ZSWIM6: variants seen among roughly 807,000 people sequenced by gnomAD.
The protein encoded by ZSWIM6 is zinc finger SWIM-type containing 6.
Under a neutral mutation model 113.2 loss-of-function variants are expected in ZSWIM6, and 9 were observed. The ratio of observed to expected loss-of-function variants is 0.08; its 90% CI spans 0.05 to 0.14. ZSWIM6 has a LOEUF of 0.14. Ranked by LOEUF, ZSWIM6 falls within the 10% of genes least tolerant of loss-of-function variation. The pLI is 1.00. For synonymous variants in ZSWIM6, 611 were observed against 606.5 expected, an observed-to-expected ratio of 1.01 and a Z score of -0.11; for missense variants, 1,162 against 1,552.2, an observed-to-expected ratio of 0.75 and a Z score of 4.22.
chr5:61,465,965 T>G (rs1002673565), intron 1 of ZSWIM6, among the ~76,000 whole-genome samples: 3 of 152,240 alleles, frequency 2.0e-5, no homozygotes, highest in Non-Finnish European at 4.4e-5. Context: ...CTAGAGGATT[T>G]AATTAGCCAG....
At chr5:61,339,304 G>T (rs1373859498) in intron 1 of ZSWIM6, among the ~76,000 whole-genome samples, 1 of 152,158 alleles carries the variant, frequency 6.6e-6, no homozygotes, top group African/African-American at 2.4e-5. Flanking sequence ...TACTCAGGAG[G>T]CTGAGGCGGG....
intron 1 of ZSWIM6, among the ~76,000 whole-genome samples, chr5:61,412,509 G>T (rs541633131): frequency 1.1e-4 from 17 of 152,272 alleles, no homozygotes; most frequent in African/African-American, 4.1e-4. Context: ...GCACATTTGT[G>T]TCTTAGGTTC....
At chr5:61,348,685 G>A (rs1220237760) in intron 1 of ZSWIM6, among the ~76,000 whole-genome samples, 2 of 151,936 alleles carry the variant, frequency 1.3e-5, no homozygotes, top group African/African-American at 2.4e-5. Flanking sequence ...TGTTTCCCTT[G>A]TCTTAGAATT....
chr5:61,343,342 T>G (rs929183692), intron 1 of ZSWIM6, among the ~76,000 whole-genome samples: 10 of 152,256 alleles, frequency 6.6e-5, no homozygotes, highest in Non-Finnish European at 1.0e-4. Flanking sequence ...GTCTGTTTAC[T>G]TAAAGTATTT....
At chr5:61,410,309 C>CTT (rs532542169) in intron 1 of ZSWIM6, among the ~76,000 whole-genome samples, 16 of 129,998 alleles carry the variant, frequency 1.2e-4, no homozygotes, top group South Asian at 2.5e-4. Context: ...GATGTATTTC[C>CTT]TTTTTTTTTT....
chr5:61,366,648 A>G (rs1403641938), intron 1 of ZSWIM6, among the ~76,000 whole-genome samples: 1 of 152,168 alleles, frequency 6.6e-6, no homozygotes, highest in Non-Finnish European at 1.5e-5. Flanking sequence ...TGAAAGAGGC[A>G]CATGCTGGGT....
chr5:61,338,650 A>T (rs1010026711), intron 1 of ZSWIM6, among the ~76,000 whole-genome samples: 6 of 152,246 alleles, frequency 3.9e-5, no homozygotes, highest in Non-Finnish European at 5.9e-5. Context: ...CCATTGAGAA[A>T]ATCTAAAATG....
intron 1 of ZSWIM6, chr5:61,375,547 T>A: frequency 6.5e-7 from 1 of 1,548,622 alleles, no homozygotes; most frequent in Non-Finnish European, 8.7e-7. Flanking sequence ...TTCTGAAAGC[T>A]CCATGTCAGA....
chr5:61,353,386 C>T (rs1371484126), intron 1 of ZSWIM6, among the ~76,000 whole-genome samples: 1 of 152,170 alleles, frequency 6.6e-6, no homozygotes, highest in Non-Finnish European at 1.5e-5. Context: ...TATGTTAAGT[C>T]ACTTGTCAGG....
chr5:61,476,059 G>A (rs1747701813), intron 2 of ZSWIM6, among the ~76,000 whole-genome samples: 1 of 152,164 alleles, frequency 6.6e-6, no homozygotes, highest in Non-Finnish European at 1.5e-5. Flanking sequence ...GCATCATAAA[G>A]ACAAGATTTA....
chr5:61,516,669 G>T (rs1335054552), intron 4 of ZSWIM6, among the ~76,000 whole-genome samples: 1 of 151,146 alleles, frequency 6.6e-6, no homozygotes, highest in Non-Finnish European at 1.5e-5. Flanking sequence ...TTAAATTCTT[G>T]CTTTTAACCA....
At chr5:61,351,025 G>A (rs1375955082) in intron 1 of ZSWIM6, among the ~76,000 whole-genome samples, 3 of 152,058 alleles carry the variant, frequency 2.0e-5, no homozygotes, top group Non-Finnish European at 4.4e-5. Flanking sequence ...TTAGAGAAAG[G>A]AAACATTGTT....
chr5:61,397,831 T>A (rs1745873095), intron 1 of ZSWIM6, among the ~76,000 whole-genome samples: 1 of 152,258 alleles, frequency 6.6e-6, no homozygotes, highest in African/African-American at 2.4e-5. Flanking sequence ...TTAATCCACG[T>A]TGAGAGGGAA....
intron 2 of ZSWIM6, among the ~76,000 whole-genome samples, chr5:61,482,599 C>T (rs1334400884): frequency 4.6e-5 from 7 of 152,086 alleles, no homozygotes; most frequent in Non-Finnish European, 8.8e-5. Flanking sequence ...GTATAGGGTA[C>T]ATGTCTTATT....
intron 1 of ZSWIM6, among the ~76,000 whole-genome samples, chr5:61,441,999 G>T (rs1255606382): frequency 6.6e-6 from 1 of 152,164 alleles, no homozygotes; most frequent in Non-Finnish European, 1.5e-5. Context: ...AAAATTAAGG[G>T]TTTATGTAGC....
At chr5:61,346,119 GT>G (rs889040869) in intron 1 of ZSWIM6, among the ~76,000 whole-genome samples, 5 of 147,686 alleles carry the variant, frequency 3.4e-5, no homozygotes, top group Non-Finnish European at 6.0e-5. Context: ...TAATTTTTGT[GT>G]TTTTTTTTTA....
At chr5:61,366,030 G>C (rs1425417744) in intron 1 of ZSWIM6, among the ~76,000 whole-genome samples, 2 of 152,144 alleles carry the variant, frequency 1.3e-5, no homozygotes, top group East Asian at 1.9e-4. Context: ...CAGTAGCTGG[G>C]ACTACAGGCG....
intron 1 of ZSWIM6, among the ~76,000 whole-genome samples, chr5:61,360,010 GA>G (rs1412365972): frequency 3.0e-4 from 45 of 152,188 alleles, no homozygotes; most frequent in Non-Finnish European, 1.8e-4. Context: ...GAGAGAGAGA[GA>G]GAGAGAGAGG....
At chr5:61,341,841 T>C (rs1346289010) in intron 1 of ZSWIM6, among the ~76,000 whole-genome samples, 1 of 151,764 alleles carries the variant, frequency 6.6e-6, no homozygotes, top group Non-Finnish European at 1.5e-5. Context: ...ACATAAATGA[T>C]GTGGTCTCCA....
Sources: allele counts gnomAD v4.1 joint callset (sites outside exome capture counted in the v4.1 genomes callset), GRCh38; gene constraint gnomAD v4.1.1; transcripts MANE v1.5; gene names NCBI Gene and HGNC (gene_info 2026-07-23, HGNC 2026-07-21).